Variants in LRRC51 observed in about 807,000 individuals in gnomAD.
LRRC51 encodes leucine rich repeat containing 51.
LRRC51 carries 8 observed loss-of-function variants against 17.8 expected under a neutral mutation model. The observed-to-expected ratio is 0.45, with a 90% CI of 0.26 to 0.81. The LOEUF (loss-of-function observed/expected upper bound fraction) is 0.81, where lower values mean the gene tolerates loss of function less well. Among genes scored for constraint, LRRC51 ranks in the 30% least tolerant of loss-of-function variants. The pLI, the probability that LRRC51 is intolerant of heterozygous loss-of-function variation, is 0.17. For synonymous variants in LRRC51, 92 were observed against 96.0 expected (o/e 0.96, Z 0.24); for missense variants, 233 against 239.3 (o/e 0.97, Z 0.17).
At chr11:72,089,615 C>T (rs1287503097) in intron 3 of LRRC51, 11 of 1,181,742 alleles carry the variant, frequency 9.3e-6, no homozygotes, top group South Asian at 1.6e-5. Flanking sequence ...AACCTTTCTC[C>T]TCTGTCTGCA....
intron 1 of LRRC51, chr11:72,086,053 A>T (rs1444463269): frequency 5.2e-6 from 1 of 192,810 alleles, no homozygotes; most frequent in Admixed American, 6.0e-5. Context: ...CATCAGAGTG[A>T]GATGGGACTA....
At chr11:72,083,806 CT>C (rs1164551639) in intron 1 of LRRC51, 1 of 152,184 alleles carries the variant, frequency 6.6e-6, no homozygotes, top group Non-Finnish European at 1.5e-5. Flanking sequence ...GAAGGAGACA[CT>C]GTTCCACTTA....
chr11:72,086,390 CTGAAT>C, intron 1 of LRRC51: 1 of 701,784 alleles, frequency 1.4e-6, no homozygotes, highest in Non-Finnish European at 2.6e-6. Flanking sequence ...CAAATGTTTG[CTGAAT>C]TGAATTGAAT....
chr11:72,095,868 C>T lies in LRRC51; in HGVS notation c.*348C>T, dbSNP rs947823543. On this transcript the variant is annotated 3_prime_UTR_variant, in exon 6 of 6. Transcript: ENST00000289488. ...TGTTGTTGTTGTTGTTGTTTTGAGA[C>T]GGTTTCACTCGTCACCCCAGCTGGA... 17 of 362,002 alleles carry T rather than the reference C, an allele frequency of 4.7e-5. No homozygotes were observed. The Admixed American group carries it at 6.6e-4, about 14-fold the overall frequency. The allele number at this position is 362,002 out of a possible 1,614,324, so 22.4% of individuals were successfully genotyped here.
chr11:72,093,137 A>G (rs1476695056), intron 3 of LRRC51, among the ~76,000 whole-genome samples: 1 of 152,252 alleles, frequency 6.6e-6, no homozygotes, highest in Non-Finnish European at 1.5e-5. Context: ...CTTTACCAGT[A>G]GTTAATTCAG....
Position 72,096,732 on chromosome 11 carries a change from GT to G in LRRC51, c.*1213del. ...TCCAAACTCTTCACAGAGTACCAGG[GT>G]CTGTAGAGATGCCTCACAGGCCTCC... On this transcript the variant is annotated 3_prime_UTR_variant, in exon 6 of 6. Transcript: ENST00000289488. 6.5e-7 allele frequency: 1 copy of G among 1,537,750 alleles called. No homozygotes were observed. The highest frequency in any genetic ancestry group is 8.8e-7 in the Non-Finnish European group (1 of 1,139,686).
At chr11:72,081,467 A>C (rs1944195863) in intron 1 of LRRC51, among the ~76,000 whole-genome samples, 1 of 152,054 alleles carries the variant, frequency 6.6e-6, no homozygotes, top group Admixed American at 6.5e-5. Context: ...CAAAACAACG[A>C]ACCCCGCCCC....
At chr11:72,094,278 C>G (rs1945037420) in intron 4 of LRRC51, among the ~76,000 whole-genome samples, 1 of 149,774 alleles carries the variant, frequency 6.7e-6, no homozygotes, top group African/African-American at 2.5e-5. Flanking sequence ...GAGTGAGACT[C>G]CGTCTCAAAA....
At chr11:72,086,414 G>A (rs1375887414) in intron 1 of LRRC51, 2 of 702,262 alleles carry the variant, frequency 2.8e-6, no homozygotes, top group Admixed American at 4.0e-5. Context: ...ATATCTTACT[G>A]TGAACAAGGT....
chr11:72,094,962 C>T lies in LRRC51; in HGVS notation c.303C>T (p.Phe101=). Residue 101 remains phenylalanine, a synonymous_variant, in exon 5 of 6, where the codon TTC becomes TTT. Transcript: ENST00000289488. ...LTSIDPVLTT[F]FNLSVLYLHG... The stretch of plus-strand genomic sequence containing the variant: ...CTCCCCAACAGGTCCTAACAACTTT[C>T]TTCAACCTGAGTGTCCTCTATCTTC... 6.2e-7 allele frequency: 1 copy of T among 1,614,080 alleles called. No homozygotes were observed. Among genetic ancestry groups the T allele is most frequent in the Non-Finnish European group, 8.5e-7 (1 of 1,180,034 alleles).
chr11:72,085,145 C>T lies in LRRC51; in HGVS notation c.-139-3152C>T, dbSNP rs147519850. ...CATTCATCAAGTTAGTCAGTCTGGA[C>T]AGATGAAGGTGCTGGCATCTGATTA... On this transcript the variant is annotated intron_variant, in intron 1 of 5. Coordinates refer to ENST00000289488, the MANE Select transcript of LRRC51 (RefSeq NM_145309.6). Among the ~76,000 whole-genome samples the T allele has an allele frequency of 4.0e-4, 61 of 152,284 alleles. No homozygotes were observed. The East Asian group carries it at 0.011, about 28-fold the overall frequency.
At chr11:72,087,049 C>T (rs1396035980) in intron 1 of LRRC51, among the ~76,000 whole-genome samples, 3 of 152,278 alleles carry the variant, frequency 2.0e-5, no homozygotes, top group South Asian at 4.1e-4. Context: ...CCCTAATTGA[C>T]AATCCATGCC....
chr11:72,095,236 T>A, intron 5 of LRRC51, 140 bp downstream of exon 5: 1 of 1,567,856 alleles, frequency 6.4e-7, no homozygotes, highest in Non-Finnish European at 8.6e-7. Context: ...CATTCCTTGC[T>A]CTCAGTCAGG....
intron 3 of LRRC51, among the ~76,000 whole-genome samples, chr11:72,091,758 C>G (rs1190372543): frequency 6.6e-6 from 1 of 152,136 alleles, no homozygotes; most frequent in Non-Finnish European, 1.5e-5. Flanking sequence ...TCCATTCACT[C>G]TTTTTTTGGT....
chr11:72,091,905 C>A (rs979284852), intron 3 of LRRC51, among the ~76,000 whole-genome samples: 3 of 152,180 alleles, frequency 2.0e-5, no homozygotes, highest in Non-Finnish European at 4.4e-5. Context: ...TCACTCACTT[C>A]AATCTGGCTT....
At chr11:72,094,638 G>A (rs367854253) in intron 4 of LRRC51, 19 of 692,344 alleles carry the variant, frequency 2.7e-5, no homozygotes, top group Admixed American at 6.1e-5. Context: ...TGATAGAATC[G>A]TAGATCACCA....
Position 72,095,978 on chromosome 11 carries a change from G to A in LRRC51, c.*458G>A, listed in dbSNP as rs887001483. 13 of 189,196 alleles carry A rather than the reference G, an allele frequency of 6.9e-5. No homozygotes were observed. The highest frequency in any genetic ancestry group is 1.0e-4 in the Non-Finnish European group (9 of 89,946). 11.7% of individuals were successfully genotyped at this position (189,196 alleles called of 1,614,324 possible). On this transcript the variant is annotated 3_prime_UTR_variant, in exon 6 of 6. Transcript: ENST00000289488. Reference sequence around the variant, plus strand: ...CTGCCTCAGCCTCCTGAGTAGCTGGGATTACAGGCGCCTGCTACCACATCC... The same window carrying A: ...CTGCCTCAGCCTCCTGAGTAGCTGGAATTACAGGCGCCTGCTACCACATCC...
chr11:72,092,708 C>T (rs1374330709), intron 3 of LRRC51, among the ~76,000 whole-genome samples: 2 of 152,222 alleles, frequency 1.3e-5, no homozygotes, highest in Non-Finnish European at 2.9e-5. Context: ...CAAACCCGCC[C>T]CAGACTCCCT....
chr11:72,094,976 T>TC lies in LRRC51; in HGVS notation c.319dup (p.Leu107ProfsTer16). On this transcript the variant is annotated frameshift_variant, in exon 5 of 6. Coordinates refer to ENST00000289488, the MANE Select transcript of LRRC51 (RefSeq NM_145309.6). LOFTEE classifies it high-confidence loss of function. ...CTAACAACTTTCTTCAACCTGAGTG[T>TC]CCTCTATCTTCACGGCAACAGCATC... 1.2e-6 allele frequency: 2 copies of TC among 1,614,010 alleles called. No individual in the cohort carries two copies. Among genetic ancestry groups the TC allele is most frequent in the South Asian group, 2.2e-5 (2 of 91,048 alleles).
Sources: allele counts gnomAD v4.1 joint callset (sites outside exome capture counted in the v4.1 genomes callset), GRCh38; gene constraint gnomAD v4.1.1; transcripts MANE v1.5; gene names NCBI Gene and HGNC (gene_info 2026-07-23, HGNC 2026-07-21).